TRABD: variants seen among roughly 807,000 people sequenced by gnomAD.
TRABD encodes the protein TraB domain containing, also known as traB domain-containing protein.
In TRABD, 23 loss-of-function variants were observed where a neutral mutation model predicts 39.6. The observed-to-expected ratio is 0.58, with a 90% CI of 0.42 to 0.82. The LOEUF (loss-of-function observed/expected upper bound fraction) is 0.82. TRABD is among the 40% of genes least tolerant of loss of function. The pLI is 0.00. For missense variants in TRABD, 487 were observed against 544.9 expected, an observed-to-expected ratio of 0.89 and a Z score of 1.06; for synonymous variants, 243 against 232.1, an observed-to-expected ratio of 1.05 and a Z score of -0.43.
intron 2 of TRABD, 54 bp downstream of exon 2, chr22:50,193,147 C>T: frequency 6.7e-7 from 1 of 1,502,384 alleles, no homozygotes; most frequent in Non-Finnish European, 8.9e-7. Context: ...GGCTTCCCCG[C>T]TTTGTGGGCT....
Position 50,194,885 on chromosome 22 carries a change from C to T in TRABD, c.280-15C>T. 6.2e-7 allele frequency: 1 copy of T among 1,610,894 alleles called. No individual in the cohort carries two copies. The highest frequency in any genetic ancestry group is 8.5e-7 in the Non-Finnish European group (1 of 1,179,216). On this transcript the variant is annotated splice_polypyrimidine_tract_variant and intron_variant, in intron 4 of 9. Coordinates refer to ENST00000380909, the MANE Select transcript of TRABD (RefSeq NM_001320485.2). ...AGCGGCTGTGTTCTCGAGGTGTGACCTGTGGCTGTTGCAGACCATCCGGGA... is the reference window on the plus strand; with the variant it reads ...AGCGGCTGTGTTCTCGAGGTGTGACTTGTGGCTGTTGCAGACCATCCGGGA...
At chr22:50,197,115 C>T (rs755869929) in intron 5 of TRABD, 126 bp from the exon 6 acceptor site, 23 of 965,490 alleles carry the variant, frequency 2.4e-5, no homozygotes, top group African/African-American at 6.4e-5. Context: ...GGGAGGGGGC[C>T]AAGGACACAG....
chr22:50,196,123 G>T (rs73187250), intron 5 of TRABD, among the ~76,000 whole-genome samples: 1 of 152,138 alleles, frequency 6.6e-6, no homozygotes, highest in African/African-American at 2.4e-5. Flanking sequence ...GAGACACCAG[G>T]TGTCCGCTTC....
intron 5 of TRABD, among the ~76,000 whole-genome samples, chr22:50,195,470 T>G (rs1476251190): frequency 1.3e-5 from 2 of 150,196 alleles, no homozygotes; most frequent in Non-Finnish European, 3.0e-5. Context: ...CGGTTTTTGT[T>G]TTTTTTTTTT....
At chr22:50,186,614 C>G (rs1249993437) in intron 1 of TRABD, among the ~76,000 whole-genome samples, 2 of 152,150 alleles carry the variant, frequency 1.3e-5, no homozygotes, top group Non-Finnish European at 2.9e-5. Context: ...GAAGGCGGCC[C>G]AGGCCTGCGG....
At chr22:50,196,434 C>G (rs1161386660) in intron 5 of TRABD, among the ~76,000 whole-genome samples, 1 of 152,228 alleles carries the variant, frequency 6.6e-6, no homozygotes, top group East Asian at 1.9e-4. Flanking sequence ...GCCCCCGGGG[C>G]TTTGCTGCCC....
chr22:50,198,327 G>T lies in TRABD; in HGVS notation c.957-18G>T, dbSNP rs368181135. Reference sequence around the variant, plus strand: ...GAGCCCACCCCCAGCCAGGCCCAGCGCCCCCTCCCTCCCACAGCGTGCCCC... The same window carrying T: ...GAGCCCACCCCCAGCCAGGCCCAGCTCCCCCTCCCTCCCACAGCGTGCCCC... On this transcript the variant is annotated intron_variant, in intron 9 of 9. Coordinates refer to ENST00000380909, the MANE Select transcript of TRABD (RefSeq NM_001320485.2). The surrounding 1 kb of genome is among the most constrained non-coding windows in gnomAD (Gnocchi z 7.9). The T allele has an allele frequency of 3.2e-6, 5 of 1,544,854 alleles. No homozygotes were observed. The South Asian group carries it at 6.0e-5, about 19-fold the overall frequency.
intron 1 of TRABD, among the ~76,000 whole-genome samples, chr22:50,189,731 G>A (rs1003526026): frequency 6.6e-6 from 1 of 150,730 alleles, no homozygotes; most frequent in Non-Finnish European, 1.5e-5. Flanking sequence ...GGACCCAGAG[G>A]GGGTGGCTGC....
Position 50,198,757 on chromosome 22 carries a change from G to C in TRABD, c.*238G>C. 3.6e-6 allele frequency: 2 copies of C among 552,514 alleles called. No individual in the cohort carries two copies. The highest frequency in any genetic ancestry group is 2.4e-5 in the South Asian group (1 of 42,028). 34.2% of individuals were successfully genotyped at this position (552,514 alleles called of 1,614,324 possible). On this transcript the variant is annotated 3_prime_UTR_variant, in exon 10 of 10. Transcript: ENST00000380909. This position sits in a 1 kb window ranked among gnomAD's most constrained non-coding sequence, Gnocchi z 7.9. ...CCTCCCCTCCCACACTGCAGGGGCC[G>C]TTCCCCAGCTTCTGGACAAGACACC...
Position 50,198,005 on chromosome 22 carries a change from G to A in TRABD, c.844+10G>A, listed in dbSNP as rs376801350. ...CCTCGGGCCTCTGACGGTGACGGCC[G>A]CCCGCAGGCGTGGGACCCCCTGTGA... On this transcript the variant is annotated intron_variant, in intron 8 of 9. Coordinates refer to ENST00000380909, the MANE Select transcript of TRABD (RefSeq NM_001320485.2). The surrounding 1 kb of genome is among the most constrained non-coding windows in gnomAD (Gnocchi z 7.9). 25 of 1,610,602 alleles carry A rather than the reference G, an allele frequency of 1.6e-5. No homozygotes were observed. Among genetic ancestry groups the A allele is most frequent in the East Asian group, 4.5e-5 (2 of 44,794 alleles).
Position 50,198,353 on chromosome 22 carries a change from C to T in TRABD, c.965C>T (p.Pro322Leu), listed in dbSNP as rs762947239. 3.4e-5 allele frequency: 54 copies of T among 1,571,746 alleles called. No homozygotes were observed. Among genetic ancestry groups the T allele is most frequent in the Non-Finnish European group, 4.3e-5 (50 of 1,162,746 alleles). ...LNIQEIMTVP[P>L]PSVSGRVSRL... Reference sequence around the variant, plus strand: ...CCCCCTCCCTCCCACAGCGTGCCCCCGCCGTCCGTCTCCGGCAGAGTGTCT... The same window carrying T: ...CCCCCTCCCTCCCACAGCGTGCCCCTGCCGTCCGTCTCCGGCAGAGTGTCT... The change falls in exon 10 of 10, where the codon CCG becomes CTG. Residue 322 changes from proline (P) to leucine (L), a missense_variant. Pro to Leu is a moderately conservative substitution (Grantham distance 98). Coordinates refer to ENST00000380909, the MANE Select transcript of TRABD (RefSeq NM_001320485.2). The surrounding 1 kb of genome is among the most constrained non-coding windows in gnomAD (Gnocchi z 7.9).
intron 2 of TRABD, among the ~76,000 whole-genome samples, 161 bp from the exon 3 acceptor site, chr22:50,193,415 C>A (rs1279729007): frequency 1.3e-5 from 2 of 151,898 alleles, no homozygotes; most frequent in Non-Finnish European, 2.9e-5. Context: ...TTCCCGGGTA[C>A]GTGGTCCGTG....
chr22:50,186,032 G>C (rs1048081229), intron 1 of TRABD, 56 bp downstream of exon 1: 4 of 146,462 alleles, frequency 2.7e-5, no homozygotes, highest in African/African-American at 9.9e-5. Context: ...GCACCGAGCG[G>C]GGGGCGGGCC....
rs550175940 is a variant in TRABD, at chr22:50,197,973, C to T, written c.822C>T (p.Leu274=). ...TYMLRQAARR[L]ELPRASDAEP... is the part of the protein sequence containing the mutation. ...TGCTGCGCCAGGCCGCGCGGCGCCT[C>T]GAGCTGCCTCGGGCCTCTGACGGTG... The change falls in exon 8 of 10, where the codon CTC becomes CTT. Residue 274 remains leucine (L), a synonymous_variant. Transcript: ENST00000380909. 1.3e-5 allele frequency: 21 copies of T among 1,612,374 alleles called. No homozygotes were observed. Among genetic ancestry groups the T allele is most frequent in the African/African-American group, 4.0e-5 (3 of 75,042 alleles).
intron 1 of TRABD, among the ~76,000 whole-genome samples, chr22:50,187,689 A>C (rs1447098832): frequency 6.6e-6 from 1 of 152,250 alleles, no homozygotes; most frequent in Non-Finnish European, 1.5e-5. Context: ...TTTAAAAAAC[A>C]GCAGGCTGGG....
chr22:50,190,092 AAG>A (rs1244314089), intron 1 of TRABD, among the ~76,000 whole-genome samples: 3 of 152,240 alleles, frequency 2.0e-5, no homozygotes, highest in African/African-American at 4.8e-5. Context: ...CGAGGAGGGA[AAG>A]AGAGTGTTGA....
At chr22:50,194,192 G>A in intron 3 of TRABD, 148 bp from the exon 4 acceptor site, 1 of 1,023,562 alleles carries the variant, frequency 9.8e-7, no homozygotes, top group Non-Finnish European at 1.4e-6. Context: ...GGCAAAGCCT[G>A]TGGAGTGTGA....
chr22:50,199,232 CCA>C lies in TRABD; in HGVS notation c.*714_*715del. 1 of 667,490 alleles carries C rather than the reference CCA, an allele frequency of 1.5e-6. No individual in the cohort carries two copies. The highest frequency in any genetic ancestry group is 2.8e-6 in the Non-Finnish European group (1 of 359,814). 41.3% of individuals were successfully genotyped at this position (667,490 alleles called of 1,614,324 possible). ...GTGCAGCCAAACATCAGCTCTGGGT[CCA>C]GGCGTGGCCTCAGCTGGGAGCCTGT... On this transcript the variant is annotated 3_prime_UTR_variant, in exon 10 of 10. Transcript: ENST00000380909.
chr22:50,199,103 ATT>A lies in TRABD; in HGVS notation c.*587_*588del. The A allele has an allele frequency of 1.4e-6, 1 of 717,608 alleles. No homozygotes were observed. The highest frequency in any genetic ancestry group is 2.6e-6 in the Non-Finnish European group (1 of 384,862). The allele number at this position is 717,608 out of a possible 1,614,324, so 44.5% of individuals were successfully genotyped here. On this transcript the variant is annotated 3_prime_UTR_variant, in exon 10 of 10. Transcript: ENST00000380909. ...TGTCTTAAAATCTTTTACTCAGGTA[ATT>A]TTAATTTCAGAGAGAAAAACTGAAG... is the stretch of plus-strand genomic sequence containing the variant.
Sources: allele counts gnomAD v4.1 joint callset (sites outside exome capture counted in the v4.1 genomes callset), GRCh38; gene constraint gnomAD v4.1.1; non-coding constraint Gnocchi (gnomAD v3.1); transcripts MANE v1.5; gene names NCBI Gene and HGNC (gene_info 2026-07-23, HGNC 2026-07-21).